MAP3K3: variants seen among roughly 807,000 people sequenced by gnomAD.
MAP3K3 encodes the protein mitogen-activated protein kinase kinase kinase 3.
A neutral mutation model predicts 80.9 loss-of-function variants in MAP3K3; 12 were observed. That is an observed-to-expected ratio of 0.15 (90% CI 0.10 to 0.24). The LOEUF (loss-of-function observed/expected upper bound fraction) is 0.24. Among genes scored for constraint, MAP3K3 ranks in the 10% least tolerant of loss-of-function variants. MAP3K3 has a pLI of 1.00. For missense variants in MAP3K3, 596 were observed against 834.7 expected (o/e 0.71, Z 3.52); for synonymous variants, 272 against 307.1 (o/e 0.89, Z 1.19).
At chr17:63,636,214 T>A (rs1205213499) in intron 2 of MAP3K3, among the ~76,000 whole-genome samples, 3 of 152,152 alleles carry the variant, frequency 2.0e-5, no homozygotes, top group Non-Finnish European at 4.4e-5. Flanking sequence ...TAAACAAGCT[T>A]GGTAAGTAAT....
intron 2 of MAP3K3, among the ~76,000 whole-genome samples, chr17:63,641,477 G>A (rs763359325): frequency 4.6e-5 from 7 of 151,902 alleles, no homozygotes; most frequent in African/African-American, 7.3e-5. Flanking sequence ...TCCTGACCTC[G>A]TGATCTGCCC....
At chr17:63,666,305 G>A (rs538048203) in intron 5 of MAP3K3, among the ~76,000 whole-genome samples, 1 of 152,224 alleles carries the variant, frequency 6.6e-6, no homozygotes, top group South Asian at 2.1e-4. Flanking sequence ...AGTGATTATT[G>A]TTGGGAAAAA....
intron 6 of MAP3K3, among the ~76,000 whole-genome samples, chr17:63,670,586 C>T: frequency 1.3e-5 from 1 of 79,944 alleles, no homozygotes; most frequent in African/African-American, 4.8e-5. Flanking sequence ...GACTCTGTCT[C>T]AAAAAAAAAA....
At chr17:63,644,211 A>G (rs958215355) in intron 2 of MAP3K3, among the ~76,000 whole-genome samples, 3 of 152,090 alleles carry the variant, frequency 2.0e-5, no homozygotes, top group African/African-American at 7.2e-5. Context: ...TAAGAAGGCT[A>G]TATCAGGGCT....
intron 6 of MAP3K3, among the ~76,000 whole-genome samples, chr17:63,681,205 C>G (rs967681139): frequency 3.3e-5 from 5 of 151,708 alleles, no homozygotes; most frequent in Non-Finnish European, 7.4e-5. Context: ...TGATCCTGGC[C>G]AGACCATCAC....
intron 1 of MAP3K3, among the ~76,000 whole-genome samples, chr17:63,624,802 A>G (rs1421066497): frequency 1.3e-5 from 2 of 152,242 alleles, no homozygotes; most frequent in Non-Finnish European, 1.5e-5. Context: ...GTGAGGGGAA[A>G]GTAGATGACC....
At chr17:63,654,259 T>A (rs1157435193) in intron 4 of MAP3K3, among the ~76,000 whole-genome samples, 1 of 141,564 alleles carries the variant, frequency 7.1e-6, no homozygotes, top group Non-Finnish European at 1.6e-5. Context: ...GGTAAGCACT[T>A]ATCTTTCTGT....
At chr17:63,645,408 A>T (rs935794695) in intron 2 of MAP3K3, among the ~76,000 whole-genome samples, 2 of 152,230 alleles carry the variant, frequency 1.3e-5, no homozygotes, top group African/African-American at 4.8e-5. Flanking sequence ...ATAAGATCCT[A>T]CTTTACCCCC....
chr17:63,690,177 T>G, intron 11 of MAP3K3, 87 bp from the exon 12 acceptor site: 22 of 1,475,214 alleles, frequency 1.5e-5, no homozygotes, highest in Non-Finnish European at 1.7e-5. Context: ...AGGGGGAGCC[T>G]GAGCCAGAGA....
chr17:63,643,664 T>C (rs1021415564), intron 2 of MAP3K3, among the ~76,000 whole-genome samples: 1 of 152,186 alleles, frequency 6.6e-6, no homozygotes, highest in African/African-American at 2.4e-5. Flanking sequence ...CAAGGTATGC[T>C]GGGCTGTAGG....
At chr17:63,632,611 T>C (rs1216592176) in intron 1 of MAP3K3, 70 bp from the exon 2 acceptor site, 3 of 1,575,668 alleles carry the variant, frequency 1.9e-6, no homozygotes, top group African/African-American at 2.7e-5. Flanking sequence ...GTATTAGTTA[T>C]ACAGTTTGTG....
In MAP3K3 at chr17:63,691,693, C is replaced by T. The variant is rs2035594454; in HGVS notation, c.1345-40C>T. On this transcript the variant is annotated intron_variant, in intron 13 of 15. Coordinates refer to ENST00000361733, the MANE Select transcript of MAP3K3 (RefSeq NM_002401.5). The surrounding 1 kb of genome is among the most constrained non-coding windows in gnomAD (Gnocchi z 4.8). ...GAATGGGCTTGCCCCTCCACCAGCC[C>T]TCCCCTGAGGGGACTCCTCTGACTT... is the stretch of plus-strand genomic sequence containing the variant. 2 of 1,596,480 alleles carry T rather than the reference C, an allele frequency of 1.3e-6. No individual in the cohort carries two copies. Among genetic ancestry groups the T allele is most frequent in the South Asian group, 2.2e-5 (2 of 90,178 alleles).
At position 63,691,898 on chromosome 17, in the gene MAP3K3, C is replaced by G. The variant is rs769092579; in HGVS notation, c.1474+36C>G. 3 of 1,604,196 alleles carry G rather than the reference C, an allele frequency of 1.9e-6. No homozygotes were observed. Among genetic ancestry groups the G allele is most frequent in the Admixed American group, 1.7e-5 (1 of 59,718 alleles). ...CCAGGATACATGGAGTCCCCAGGAC[C>G]TGGGTTCAAGTCTACCATTGAGTGC... On this transcript the variant is annotated intron_variant, in intron 14 of 15. Transcript: ENST00000361733. This position sits in a 1 kb window ranked among gnomAD's most constrained non-coding sequence, Gnocchi z 4.8.
intron 1 of MAP3K3, among the ~76,000 whole-genome samples, chr17:63,629,839 C>T (rs142652941): frequency 4.6e-5 from 7 of 152,296 alleles, no homozygotes; most frequent in Non-Finnish European, 8.8e-5. Context: ...TAAGTAATGC[C>T]AGGAATTGGT....
intron 4 of MAP3K3, among the ~76,000 whole-genome samples, chr17:63,654,262 C>G: frequency 6.6e-6 from 1 of 152,044 alleles, no homozygotes; most frequent in Non-Finnish European, 1.5e-5. Flanking sequence ...AAGCACTTAT[C>G]TTTCTGTCTC....
chr17:63,632,950 A>AT, intron 2 of MAP3K3, 148 bp downstream of exon 2: 1 of 1,054,448 alleles, frequency 9.5e-7, no homozygotes, highest in Admixed American at 2.5e-5. Flanking sequence ...GAAGTAATAC[A>AT]TACCAACCAG....
chr17:63,624,811 C>T (rs913705438), intron 1 of MAP3K3, among the ~76,000 whole-genome samples: 13 of 152,212 alleles, frequency 8.5e-5, no homozygotes, highest in Admixed American at 5.9e-4. Context: ...AAGTAGATGA[C>T]CTTGATACAC....
At chr17:63,624,437 T>G (rs1485945498) in intron 1 of MAP3K3, among the ~76,000 whole-genome samples, 1 of 152,214 alleles carries the variant, frequency 6.6e-6, no homozygotes, top group South Asian at 2.1e-4. Flanking sequence ...TGCCCACATG[T>G]GTTGACTACA....
chr17:63,649,447 AAGT>A (rs1329497275), intron 3 of MAP3K3, among the ~76,000 whole-genome samples: 8 of 144,900 alleles, frequency 5.5e-5, no homozygotes, highest in African/African-American at 1.3e-4. Context: ...AAAAAAAAAA[AAGT>A]AGACAGGATC....
Sources: allele counts gnomAD v4.1 joint callset (sites outside exome capture counted in the v4.1 genomes callset), GRCh38; gene constraint gnomAD v4.1.1; non-coding constraint Gnocchi (gnomAD v3.1); transcripts MANE v1.5; gene names NCBI Gene and HGNC (gene_info 2026-07-23, HGNC 2026-07-21).